SLC25A21: variants seen among roughly 807,000 people sequenced by gnomAD.
The protein encoded by SLC25A21 is mitochondrial 2-oxodicarboxylate carrier.
SLC25A21 carries 47 observed loss-of-function variants against 43.8 expected under a neutral mutation model. That is an observed-to-expected ratio of 1.07 (90% CI 0.85 to 1.37). SLC25A21 has a LOEUF of 1.37. Ranked by LOEUF, SLC25A21 falls within the 40% of genes most tolerant of loss-of-function variation. The probability of loss-of-function intolerance (pLI) is 0.00; values close to 1 mark genes in which losing one functional copy is unlikely to be tolerated. For synonymous variants in SLC25A21, 131 were observed against 121.3 expected (o/e 1.08, Z -0.52); for missense variants, 352 against 350.2 (o/e 1.00, Z -0.04).
At chr14:36,953,872 T>G (rs957459852) in intron 1 of SLC25A21, among the ~76,000 whole-genome samples, 2 of 152,166 alleles carry the variant, frequency 1.3e-5, no homozygotes, top group African/African-American at 4.8e-5. Context: ...CATGCTTAAG[T>G]GTATATTATG....
At chr14:36,969,433 C>T (rs917888581) in intron 1 of SLC25A21, among the ~76,000 whole-genome samples, 2 of 152,138 alleles carry the variant, frequency 1.3e-5, no homozygotes, top group African/African-American at 4.8e-5. Context: ...CTGACTTTTG[C>T]TGTCAACTGA....
At chr14:37,122,321 C>T (rs1566896785) in intron 1 of SLC25A21, among the ~76,000 whole-genome samples, 1 of 152,292 alleles carries the variant, frequency 6.6e-6, no homozygotes, top group Non-Finnish European at 1.5e-5. Context: ...CTTGGGGAAA[C>T]CAACTACCCA....
intron 1 of SLC25A21, among the ~76,000 whole-genome samples, chr14:37,003,323 G>A (rs2138727705): frequency 6.6e-6 from 1 of 152,302 alleles, no homozygotes; most frequent in Non-Finnish European, 1.5e-5. Flanking sequence ...ATGATGAGAT[G>A]AAGTGAGGTG....
rs552455780 is a variant in SLC25A21 at position 36,925,802 on chromosome 14, G to A, written c.71-50798C>T. ...GCAGAGGTTGTAGTGGGCTGAGATC[G>A]TGCCACTGCATTCCAGCCTGGGTGA... is the stretch of plus-strand genomic sequence containing the variant. On this transcript the variant is annotated intron_variant, in intron 1 of 9. Coordinates refer to ENST00000331299, the MANE Select transcript of SLC25A21 (RefSeq NM_030631.4). 8.5e-5 allele frequency among the ~76,000 whole-genome samples: 13 copies of A among 152,218 alleles called. No individual in the cohort carries two copies. In the South Asian group the frequency reaches 1.2e-3, roughly 15 times the overall value.
At chr14:36,769,076 T>C (rs867137234) in intron 3 of SLC25A21, among the ~76,000 whole-genome samples, 20 of 152,204 alleles carry the variant, frequency 1.3e-4, no homozygotes, top group African/African-American at 4.8e-4. Context: ...CAATGTGACA[T>C]TGCCTGATGC....
intron 1 of SLC25A21, among the ~76,000 whole-genome samples, chr14:36,912,062 T>C (rs573973536): frequency 2.0e-5 from 3 of 152,178 alleles, no homozygotes; most frequent in Non-Finnish European, 4.4e-5. Context: ...CTGTATATAC[T>C]TATTATTATA....
chr14:36,767,792 C>T (rs771647525), intron 3 of SLC25A21, among the ~76,000 whole-genome samples: 64 of 152,170 alleles, frequency 4.2e-4, no homozygotes, highest in African/African-American at 1.2e-3. Context: ...GACACCCAAA[C>T]GGATTTCTAG....
intron 1 of SLC25A21, among the ~76,000 whole-genome samples, chr14:36,966,796 G>A (rs572206110): frequency 1.5e-4 from 23 of 152,252 alleles, no homozygotes; most frequent in African/African-American, 5.1e-4. Context: ...GAGCCCTTCT[G>A]GTTGGGGAAC....
intron 1 of SLC25A21, among the ~76,000 whole-genome samples, chr14:37,099,064 A>G (rs1036073097): frequency 1.3e-5 from 2 of 152,108 alleles, no homozygotes; most frequent in African/African-American, 4.8e-5. Flanking sequence ...CGGCCTCCCA[A>G]AGTGCTGGGA....
intron 2 of SLC25A21, among the ~76,000 whole-genome samples, chr14:36,847,835 T>C (rs898215512): frequency 1.2e-4 from 19 of 152,222 alleles, no homozygotes; most frequent in African/African-American, 4.6e-4. Flanking sequence ...AGGATGTTTC[T>C]AGGCATGGGA....
intron 1 of SLC25A21, among the ~76,000 whole-genome samples, chr14:36,980,676 G>A (rs774382193): frequency 6.6e-6 from 1 of 152,132 alleles, no homozygotes; most frequent in African/African-American, 2.4e-5. Context: ...CTCATTCTCT[G>A]TCCAGCTTTG....
At chr14:37,019,225 C>T (rs952319009) in intron 1 of SLC25A21, among the ~76,000 whole-genome samples, 3 of 151,884 alleles carry the variant, frequency 2.0e-5, no homozygotes, top group Admixed American at 6.6e-5. Context: ...AGCCATGTGG[C>T]CTCTTCTCAG....
intron 1 of SLC25A21, among the ~76,000 whole-genome samples, chr14:36,966,928 T>A (rs1173235926): frequency 6.6e-6 from 1 of 152,166 alleles, no homozygotes; most frequent in Non-Finnish European, 1.5e-5. Context: ...GAAACTTCCA[T>A]GTGAACTTTT....
At chr14:37,015,495 T>C (rs552466317) in intron 1 of SLC25A21, among the ~76,000 whole-genome samples, 5 of 152,070 alleles carry the variant, frequency 3.3e-5, no homozygotes, top group Admixed American at 6.6e-5. Context: ...AGTGCCACAA[T>C]AGACATACGT....
At chr14:37,099,787 G>C (rs1407632871) in intron 1 of SLC25A21, among the ~76,000 whole-genome samples, 1 of 152,020 alleles carries the variant, frequency 6.6e-6, no homozygotes, top group Non-Finnish European at 1.5e-5. Context: ...TCCTTTTCCA[G>C]ATTCAGAACC....
At chr14:36,988,126 G>A (rs1960186149) in intron 1 of SLC25A21, among the ~76,000 whole-genome samples, 1 of 152,166 alleles carries the variant, frequency 6.6e-6, no homozygotes, top group Non-Finnish European at 1.5e-5. Context: ...TCTGCCATTT[G>A]ACATACCTGT....
chr14:37,140,641 T>C (rs1454128983), intron 1 of SLC25A21, among the ~76,000 whole-genome samples: 1 of 152,210 alleles, frequency 6.6e-6, no homozygotes, highest in African/African-American at 2.4e-5. Context: ...AAATTGTATA[T>C]GCAGAAAAAC....
At chr14:37,122,451 A>G (rs1963225492) in intron 1 of SLC25A21, among the ~76,000 whole-genome samples, 1 of 152,218 alleles carries the variant, frequency 6.6e-6, no homozygotes, top group African/African-American at 2.4e-5. Context: ...AGTGCTGGGC[A>G]TACAAAAATG....
At chr14:36,945,402 T>C (rs1000217329) in intron 1 of SLC25A21, among the ~76,000 whole-genome samples, 2 of 152,140 alleles carry the variant, frequency 1.3e-5, no homozygotes, top group Admixed American at 1.3e-4. Context: ...CTTGAAGAGA[T>C]ATTTGTACCC....
Sources: gnomAD v4.1 joint callset for allele counts (sites outside exome capture counted in the v4.1 genomes callset) on GRCh38, gnomAD v4.1.1 for gene constraint, MANE v1.5 for transcripts, NCBI Gene and HGNC (gene_info 2026-07-23, HGNC 2026-07-21) for gene names.